Variants in EIF4EBP1 observed in about 807,000 individuals in gnomAD.
The protein encoded by EIF4EBP1 is eukaryotic translation initiation factor 4E binding protein 1.
A neutral mutation model predicts 9.2 loss-of-function variants in EIF4EBP1; 5 were observed. The observed-to-expected ratio is 0.54, with a 90% CI of 0.28 to 1.14. The LOEUF is 1.14. Among genes scored for constraint, EIF4EBP1 ranks in the 50% most tolerant of loss-of-function variants. The probability of loss-of-function intolerance (pLI) is 0.09; values close to 1 mark genes in which losing one functional copy is unlikely to be tolerated. For synonymous variants in EIF4EBP1, 62 were observed against 67.0 expected (o/e 0.93, Z 0.36); for missense variants, 139 against 169.6 (o/e 0.82, Z 1.00).
At chr8:38,035,135 C>T (rs1015544061) in intron 1 of EIF4EBP1, among the ~76,000 whole-genome samples, 1 of 152,186 alleles carries the variant, frequency 6.6e-6, no homozygotes, top group African/African-American at 2.4e-5. Context: ...AAGCATTCCA[C>T]ACTGTGTCCC....
chr8:38,036,646 A>G (rs946955657), intron 1 of EIF4EBP1, among the ~76,000 whole-genome samples: 2 of 151,974 alleles, frequency 1.3e-5, no homozygotes, highest in African/African-American at 4.8e-5. Context: ...ATGAGTTAGG[A>G]AGGCACAGCA....
chr8:38,044,884 A>G (rs1809430505), intron 1 of EIF4EBP1, among the ~76,000 whole-genome samples: 1 of 152,020 alleles, frequency 6.6e-6, no homozygotes, highest in Non-Finnish European at 1.5e-5. Flanking sequence ...GGGGAATAAG[A>G]CCTAGCACGT....
At chr8:38,031,352 AGAG>A (rs1293944354) in intron 1 of EIF4EBP1, among the ~76,000 whole-genome samples, 1 of 151,862 alleles carries the variant, frequency 6.6e-6, no homozygotes, top group Non-Finnish European at 1.5e-5. Context: ...CTGTCCGGGG[AGAG>A]GAGGAGGCAC....
chr8:38,042,279 A>C (rs547137313), intron 1 of EIF4EBP1, among the ~76,000 whole-genome samples: 1 of 152,322 alleles, frequency 6.6e-6, no homozygotes, highest in Admixed American at 6.5e-5. Flanking sequence ...AGGAATGAGA[A>C]TAGCAGAGGG....
chr8:38,054,366 G>C (rs371299431), intron 1 of EIF4EBP1, among the ~76,000 whole-genome samples: 1 of 152,192 alleles, frequency 6.6e-6, no homozygotes, highest in African/African-American at 2.4e-5. Flanking sequence ...CGGGAGGATT[G>C]CTAGAACCCA....
chr8:38,031,979 C>T (rs1419316232), intron 1 of EIF4EBP1, among the ~76,000 whole-genome samples: 1 of 152,166 alleles, frequency 6.6e-6, no homozygotes, highest in Non-Finnish European at 1.5e-5. Flanking sequence ...TTGCCATTCC[C>T]GACTCATCCT....
chr8:38,054,143 C>T (rs531554005), intron 1 of EIF4EBP1, among the ~76,000 whole-genome samples: 9 of 152,200 alleles, frequency 5.9e-5, no homozygotes, highest in African/African-American at 9.6e-5. Context: ...TTAGGTTTCA[C>T]GCTATGATAA....
chr8:38,051,238 C>G (rs1809519736), intron 1 of EIF4EBP1, among the ~76,000 whole-genome samples: 1 of 152,188 alleles, frequency 6.6e-6, no homozygotes, highest in African/African-American at 2.4e-5. Flanking sequence ...GCTCCACCCC[C>G]ACCTCCCTGC....
chr8:38,048,745 CA>C (rs1809478292), intron 1 of EIF4EBP1, among the ~76,000 whole-genome samples: 1 of 152,084 alleles, frequency 6.6e-6, no homozygotes. Flanking sequence ...GAGGCTGAGG[CA>C]GGAGGATCAT....
intron 1 of EIF4EBP1, among the ~76,000 whole-genome samples, chr8:38,045,562 G>A (rs1192508925): frequency 2.0e-5 from 3 of 151,602 alleles, no homozygotes; most frequent in Non-Finnish European, 4.4e-5. Flanking sequence ...AAAATTAGCT[G>A]GGCATGGTGG....
intron 1 of EIF4EBP1, among the ~76,000 whole-genome samples, chr8:38,036,491 AT>A (rs779647154): frequency 7.9e-5 from 12 of 152,138 alleles, no homozygotes; most frequent in Non-Finnish European, 7.4e-5. Context: ...AGAGAGTTTG[AT>A]TTTTTTGCTT....
chr8:38,052,433 T>TTTTTTTTTTTTTTTTTTTTTTGAGACGG (rs1809538257), intron 1 of EIF4EBP1, among the ~76,000 whole-genome samples: 1 of 150,754 alleles, frequency 6.6e-6, no homozygotes, highest in African/African-American at 2.5e-5. Context: ...GTTAATTTTT[T>TTTTTTTTTTTTTTTTTTTTTTGAGACGG]AAAAATTTTA....
intron 1 of EIF4EBP1, among the ~76,000 whole-genome samples, chr8:38,033,968 G>T (rs941122682): frequency 6.6e-6 from 1 of 151,822 alleles, no homozygotes; most frequent in African/African-American, 2.4e-5. Context: ...GGATGGTCTC[G>T]ATCTCCTGAC....
At chr8:38,056,343 T>A (rs1035096407) in intron 1 of EIF4EBP1, among the ~76,000 whole-genome samples, 1 of 152,182 alleles carries the variant, frequency 6.6e-6, no homozygotes, top group African/African-American at 2.4e-5. Context: ...TTCTGTTTGG[T>A]CATTTGTAAA....
At chr8:38,038,338 C>G (rs965675326) in intron 1 of EIF4EBP1, among the ~76,000 whole-genome samples, 3 of 151,238 alleles carry the variant, frequency 2.0e-5, no homozygotes, top group Non-Finnish European at 4.4e-5. Flanking sequence ...GAAACCCCGT[C>G]TCTACTAAAA....
At chr8:38,054,190 C>T (rs1809562950) in intron 1 of EIF4EBP1, among the ~76,000 whole-genome samples, 1 of 152,186 alleles carries the variant, frequency 6.6e-6, no homozygotes, top group Non-Finnish European at 1.5e-5. Context: ...TGGCTCATGT[C>T]TGTAACCCCA....
intron 1 of EIF4EBP1, among the ~76,000 whole-genome samples, chr8:38,041,141 G>A (rs938400309): frequency 2.0e-5 from 3 of 151,866 alleles, no homozygotes; most frequent in South Asian, 2.1e-4. Context: ...TGGCTCTGTC[G>A]CCCAGGCCAG....
chr8:38,041,434 C>A (rs934893758), intron 1 of EIF4EBP1, among the ~76,000 whole-genome samples: 3 of 152,148 alleles, frequency 2.0e-5, no homozygotes, highest in Admixed American at 6.6e-5. Flanking sequence ...AGAGAAGCTA[C>A]ATGTGCAAAC....
Position 38,039,327 on chromosome 8 carries a change from A to C in EIF4EBP1, c.145+8609A>C, listed in dbSNP as rs151166227. On this transcript the variant is annotated intron_variant, in intron 1 of 2. Transcript: ENST00000338825. Reference sequence around the variant, plus strand: ...AGGTGGTTTTGTCCAACTGTAGGCTAATGTAAGTGTTCTGAGCACATTTAA... The same window carrying C: ...AGGTGGTTTTGTCCAACTGTAGGCTCATGTAAGTGTTCTGAGCACATTTAA... 7.2e-5 allele frequency among the ~76,000 whole-genome samples: 11 copies of C among 151,970 alleles called. No individual in the cohort carries two copies. The East Asian group carries it at 2.1e-3, about 29-fold the overall frequency.
Sources: allele counts gnomAD v4.1 joint callset (sites outside exome capture counted in the v4.1 genomes callset), GRCh38; gene constraint gnomAD v4.1.1; transcripts MANE v1.5; gene names NCBI Gene and HGNC (gene_info 2026-07-23, HGNC 2026-07-21).